The following WDR12 variants were observed in gnomAD, a reference collection of about 807,000 sequenced individuals.
WDR12 encodes ribosome biogenesis protein WDR12.
In WDR12, 42 loss-of-function variants were observed where a neutral mutation model predicts 64.3. The ratio of observed to expected loss-of-function variants is 0.65; its 90% confidence interval spans 0.51 to 0.84. WDR12 has a LOEUF of 0.84. Among genes scored for constraint, WDR12 ranks in the 40% least tolerant of loss-of-function variants. The pLI, the probability that WDR12 is intolerant of heterozygous loss-of-function variation, is 0.00. For missense variants in WDR12, 469 were observed against 494.6 expected (o/e 0.95, Z 0.49); for synonymous variants, 158 against 173.3 (o/e 0.91, Z 0.70).
intron 2 of WDR12, among the ~76,000 whole-genome samples, chr2:202,904,138 C>CAAAAAAAAAAAAAAAAAAAAAAAAAGAA (rs1688408374): frequency 2.6e-5 from 1 of 38,534 alleles, no homozygotes; most frequent in Non-Finnish European, 4.1e-5. Context: ...AACTCTGTCT[C>CAAAAAAAAAAAAAAAAAAAAAAAAAGAA]AAAAAAAAAA....
At chr2:202,887,751 G>A (rs971773968) in intron 8 of WDR12, among the ~76,000 whole-genome samples, 22 of 151,524 alleles carry the variant, frequency 1.5e-4, no homozygotes, top group South Asian at 1.3e-3. Context: ...AGCCGGGCGC[G>A]GTGGCGGGCG....
chr2:202,898,733 ACT>A (rs1352432090), intron 4 of WDR12, among the ~76,000 whole-genome samples: 4 of 152,176 alleles, frequency 2.6e-5, no homozygotes, highest in African/African-American at 9.7e-5. Flanking sequence ...TATAAAAGTT[ACT>A]TTTTTCCTTT....
Position 202,911,660 on chromosome 2 carries a change from G to C in WDR12, c.-184C>G. On this transcript the variant is annotated 5_prime_UTR_variant, in exon 1 of 13. Coordinates refer to ENST00000261015, the MANE Select transcript of WDR12 (RefSeq NM_018256.4). ...CCGGTCTCCTCTGCAGAAAGCACGA[G>C]GTTGCCCTTCTACAGACGCCCAGAC... The C allele has an allele frequency of 1.6e-6, 1 of 621,100 alleles. No homozygotes were observed. The highest frequency in any genetic ancestry group is 1.9e-5 in the South Asian group (1 of 52,738). The allele number at this position is 621,100 out of a possible 1,614,324, so 38.5% of individuals were successfully genotyped here.
chr2:202,894,343 A>G (rs957127364), intron 7 of WDR12, among the ~76,000 whole-genome samples: 1 of 152,056 alleles, frequency 6.6e-6, no homozygotes, highest in Admixed American at 6.6e-5. Flanking sequence ...CAGCCTCCCA[A>G]GGAGCTAGGA....
chr2:202,897,896 A>AG (rs1354774022), intron 4 of WDR12, among the ~76,000 whole-genome samples: 1 of 46,086 alleles, frequency 2.2e-5, no homozygotes, highest in African/African-American at 5.6e-5. Context: ...TTCAAAAAAA[A>AG]AAAAAAAAAA....
At chr2:202,910,834 C>T (rs187020687) in intron 1 of WDR12, among the ~76,000 whole-genome samples, 24 of 152,256 alleles carry the variant, frequency 1.6e-4, no homozygotes, top group Admixed American at 1.3e-4. Context: ...TTATGGCTAA[C>T]TTTAGCTTAT....
chr2:202,900,890 C>T, intron 3 of WDR12, 135 bp downstream of exon 3: 1 of 597,722 alleles, frequency 1.7e-6, no homozygotes, highest in Middle Eastern at 4.7e-4. Flanking sequence ...ACATAACACA[C>T]ACAACATATA....
At chr2:202,889,821 C>T (rs906390842) in intron 8 of WDR12, among the ~76,000 whole-genome samples, 1 of 150,788 alleles carries the variant, frequency 6.6e-6, no homozygotes, top group African/African-American at 2.4e-5. Context: ...GAGGCTGAGG[C>T]GTGAGGATTG....
At chr2:202,900,922 T>C in intron 3 of WDR12, 103 bp downstream of exon 3, 1 of 870,054 alleles carries the variant, frequency 1.1e-6, no homozygotes, top group Non-Finnish European at 1.7e-6. Context: ...TTAAAAAGAA[T>C]CTTTGCTACT....
chr2:202,903,717 A>T (rs1382250431), intron 2 of WDR12, among the ~76,000 whole-genome samples: 3 of 152,264 alleles, frequency 2.0e-5, no homozygotes, highest in Non-Finnish European at 4.4e-5. Flanking sequence ...CTATATGCTA[A>T]CAGCGAACAA....
intron 12 of WDR12, among the ~76,000 whole-genome samples, chr2:202,882,489 C>T (rs554063972): frequency 2.0e-5 from 3 of 152,074 alleles, no homozygotes; most frequent in African/African-American, 7.2e-5. Flanking sequence ...CCACCATGCC[C>T]GGCTAATTTT....
At chr2:202,896,283 C>T in intron 5 of WDR12, 64 bp from the exon 6 acceptor site, 1 of 1,491,284 alleles carries the variant, frequency 6.7e-7, no homozygotes, top group South Asian at 1.4e-5. Context: ...ACATCATGTT[C>T]TGAAACCAAA....
intron 12 of WDR12, among the ~76,000 whole-genome samples, 181 bp from the exon 13 acceptor site, chr2:202,881,118 T>C (rs1417069469): frequency 6.6e-6 from 1 of 152,226 alleles, no homozygotes; most frequent in African/African-American, 2.4e-5. Context: ...TATGATACAG[T>C]TTATTAAAAC....
chr2:202,888,294 G>A (rs1301229785), intron 8 of WDR12, among the ~76,000 whole-genome samples: 1 of 152,230 alleles, frequency 6.6e-6, no homozygotes, highest in Non-Finnish European at 1.5e-5. Flanking sequence ...GTTTTCAGAG[G>A]ATAGAGGTGG....
chr2:202,903,572 T>C (rs1688394968), intron 2 of WDR12, among the ~76,000 whole-genome samples: 1 of 152,138 alleles, frequency 6.6e-6, no homozygotes, highest in African/African-American at 2.4e-5. Context: ...TTATCCTTGT[T>C]TGCAGATGAT....
chr2:202,882,785 TAA>T lies in WDR12; in HGVS notation c.1122-4_1122-3del. The T allele has an allele frequency of 6.2e-7, 1 of 1,613,416 alleles. No homozygotes were observed. Among genetic ancestry groups the T allele is most frequent in the Non-Finnish European group, 8.5e-7 (1 of 1,179,428 alleles). Reference sequence around the variant, plus strand: ...AGATCATAGAGAGGAGCCTTACAACTAAAAGATGAAAATATTAACATATTATA... The same window carrying T: ...AGATCATAGAGAGGAGCCTTACAACTAAGATGAAAATATTAACATATTATA... On this transcript the variant is annotated splice_region_variant and splice_polypyrimidine_tract_variant and intron_variant, in intron 11 of 12. Transcript: ENST00000261015.
intron 8 of WDR12, among the ~76,000 whole-genome samples, chr2:202,888,101 A>G (rs1688083742): frequency 6.6e-6 from 1 of 152,192 alleles, no homozygotes; most frequent in Admixed American, 6.5e-5. Context: ...GATTAAACCA[A>G]CTGTGGCATA....
rs1439101337 is a variant in WDR12 at position 202,879,051 on chromosome 2, GAC to G, written c.*1807_*1808del. ...AATGCAATTTTTTATTTTTTTTTGA[GAC>G]AGAGTCTTGCTCTGTTGCCCAGGCT... is the stretch of plus-strand genomic sequence containing the variant. On this transcript the variant is annotated 3_prime_UTR_variant, in exon 13 of 13. Coordinates refer to ENST00000261015, the MANE Select transcript of WDR12 (RefSeq NM_018256.4). 6.6e-6 allele frequency: 1 copy of G among 151,788 alleles called. No individual in the cohort carries two copies. Among genetic ancestry groups the G allele is most frequent in the African/African-American group, 2.4e-5 (1 of 41,326 alleles). 9.4% of individuals were successfully genotyped at this position (151,788 alleles called of 1,614,324 possible). A position where few individuals can be genotyped will look rare whatever the true frequency, so the allele number is the denominator to read the frequency against.
rs1687976908 is a variant in WDR12, at chr2:202,882,712, CCT to C, written c.1191_1192del (p.Gly398AlafsTer10). 2.5e-6 allele frequency: 4 copies of C among 1,613,212 alleles called. No individual in the cohort carries two copies. The highest frequency in any genetic ancestry group is 1.3e-5 in the African/African-American group (1 of 74,900). ...ATCAAATAACTAATAAATTCTTACC[CCT>C]GTGTCTGTCCAGTCTACACTCAGAA... On this transcript the variant is annotated frameshift_variant and splice_region_variant, in exon 12 of 13. Coordinates refer to ENST00000261015, the MANE Select transcript of WDR12 (RefSeq NM_018256.4). LOFTEE classifies it high-confidence loss of function.
Sources: allele counts gnomAD v4.1 joint callset (sites outside exome capture counted in the v4.1 genomes callset), GRCh38; gene constraint gnomAD v4.1.1; transcripts MANE v1.5; gene names NCBI Gene and HGNC (gene_info 2026-07-23, HGNC 2026-07-21).